The following ZNF516 variants were observed in gnomAD, a reference collection of about 807,000 sequenced individuals.
ZNF516 encodes zinc finger protein 516.
Under a neutral mutation model 79.7 loss-of-function variants are expected in ZNF516, and 19 were observed. The observed-to-expected ratio is 0.24, with a 90% confidence interval of 0.17 to 0.35. ZNF516 has a LOEUF of 0.35. Among genes scored for constraint, ZNF516 ranks in the 10% least tolerant of loss-of-function variants. ZNF516 has a pLI of 1.00. For missense variants in ZNF516, 1,678 were observed against 1,679.5 expected, an observed-to-expected ratio of 1.00 and a Z score of 0.02; for synonymous variants, 877 against 739.5, an observed-to-expected ratio of 1.19 and a Z score of -3.02.
chr18:76,430,498 G>A (rs942127011), intron 3 of ZNF516, among the ~76,000 whole-genome samples: 2 of 152,102 alleles, frequency 1.3e-5, no homozygotes, highest in African/African-American at 4.8e-5. Context: ...TGTCTATATT[G>A]GAATCAATCA....
At chr18:76,404,554 ATG>A (rs774545381) in intron 3 of ZNF516, among the ~76,000 whole-genome samples, 57 of 151,730 alleles carry the variant, frequency 3.8e-4, no homozygotes, top group African/African-American at 9.7e-4. Context: ...GAACGTGTGC[ATG>A]TGTTTGTATG....
At chr18:76,458,459 A>C (rs1912866318) in intron 2 of ZNF516, among the ~76,000 whole-genome samples, 2 of 152,224 alleles carry the variant, frequency 1.3e-5, no homozygotes, top group Non-Finnish European at 2.9e-5. Context: ...CTCCCAAGCA[A>C]GCATCCTGCA....
In ZNF516 at chr18:76,358,144, C is replaced by T. The variant is rs1442048679; in HGVS notation, c.*4354G>A. ...CCACAGACCAAAGCGGGCTGTCAAA[C>T]GATTTACGCCACCCTCTGAAATTGG... On this transcript the variant is annotated 3_prime_UTR_variant, in exon 7 of 7. Transcript: ENST00000443185. The T allele has an allele frequency of 6.6e-6, 1 of 152,170 alleles. No individual in the cohort carries two copies. Among genetic ancestry groups the T allele is most frequent in the Non-Finnish European group, 1.5e-5 (1 of 68,032 alleles). 9.4% of individuals were successfully genotyped at this position (152,170 alleles called of 1,614,324 possible).
At chr18:76,390,313 T>C (rs1599167847) in intron 3 of ZNF516, among the ~76,000 whole-genome samples, 2 of 152,212 alleles carry the variant, frequency 1.3e-5, no homozygotes, top group South Asian at 2.1e-4. Context: ...TTACGAGCCA[T>C]GTATGTCTGT....
chr18:76,371,410 A>G (rs2554834), intron 5 of ZNF516, 57 bp downstream of exon 5: 5 of 1,505,246 alleles, frequency 3.3e-6, no homozygotes, highest in African/African-American at 1.4e-5. Flanking sequence ...AGCCACTGAC[A>G]GAAGAGACCC....
At chr18:76,469,512 C>CTT (rs1913701549) in intron 1 of ZNF516, among the ~76,000 whole-genome samples, 1 of 152,068 alleles carries the variant, frequency 6.6e-6, no homozygotes, top group African/African-American at 2.4e-5. Context: ...GATAAAAGAG[C>CTT]TTTCTTTCAG....
At position 76,492,253 on chromosome 18, in the gene ZNF516, C is replaced by A. The variant is rs530792354; in HGVS notation, c.-272+2891G>T. On this transcript the variant is annotated intron_variant, in intron 1 of 6. Transcript: ENST00000443185. The stretch of plus-strand genomic sequence containing the variant: ...CACGGAGATGCTGCTCGGCTCAGGT[C>A]GGGTCCGTACGCTTCCCGAGGTGCG... 2.1e-5 allele frequency: 21 copies of A among 985,350 alleles called. No homozygotes were observed. The African/African-American group carries it at 3.7e-4, about 17-fold the overall frequency. 61.0% of individuals were successfully genotyped at this position (985,350 alleles called of 1,614,324 possible).
rs541962394 is a variant in ZNF516, at chr18:76,484,441, C to G, written c.-272+10703G>C. ...AATGCTTTCCTTCACGGTCATTACA[C>G]CAAGTCAATGTAACACTCCTAACGA... On this transcript the variant is annotated intron_variant, in intron 1 of 6. Coordinates refer to ENST00000443185, the MANE Select transcript of ZNF516 (RefSeq NM_014643.4). Among the ~76,000 whole-genome samples the G allele has an allele frequency of 3.3e-5, 5 of 152,322 alleles. No homozygotes were observed. In the South Asian group the frequency reaches 1.0e-3, roughly 32 times the overall value.
At chr18:76,406,969 C>A (rs2075312171) in intron 3 of ZNF516, among the ~76,000 whole-genome samples, 1 of 152,178 alleles carries the variant, frequency 6.6e-6, no homozygotes, top group African/African-American at 2.4e-5. Flanking sequence ...TTTGCTAACC[C>A]GGGGCACACA....
chr18:76,484,764 A>C (rs1914733411), intron 1 of ZNF516, among the ~76,000 whole-genome samples: 1 of 152,206 alleles, frequency 6.6e-6, no homozygotes, highest in Non-Finnish European at 1.5e-5. Context: ...TTTTTAATCA[A>C]TACCTATACT....
chr18:76,488,650 TGAA>T (rs1364616771), intron 1 of ZNF516, among the ~76,000 whole-genome samples: 22 of 152,354 alleles, frequency 1.4e-4, no homozygotes, highest in Admixed American at 1.1e-3. Flanking sequence ...TGTCTGCTTT[TGAA>T]GAAGAAATAT....
chr18:76,464,152 C>T (rs1033369733), intron 1 of ZNF516, among the ~76,000 whole-genome samples: 3 of 151,812 alleles, frequency 2.0e-5, no homozygotes, highest in Non-Finnish European at 2.9e-5. Flanking sequence ...GGTAAAACCC[C>T]GTCTGTACTA....
At chr18:76,370,494 G>A (rs369521086) in intron 6 of ZNF516, 34 bp downstream of exon 6, 37 of 1,569,912 alleles carry the variant, frequency 2.4e-5, no homozygotes, top group Non-Finnish European at 2.8e-5. Flanking sequence ...CTACCGCATC[G>A]AAACCCAGAC....
At chr18:76,483,246 G>A (rs753299092) in intron 1 of ZNF516, among the ~76,000 whole-genome samples, 27 of 152,170 alleles carry the variant, frequency 1.8e-4, no homozygotes, top group Middle Eastern at 3.4e-3. Context: ...ACAGCAACCC[G>A]GGGCAGACAC....
intron 3 of ZNF516, among the ~76,000 whole-genome samples, chr18:76,419,904 T>C (rs1254857912): frequency 2.0e-5 from 3 of 152,248 alleles, no homozygotes; most frequent in Non-Finnish European, 2.9e-5. Context: ...ACACTGCTCC[T>C]TTTATATTCA....
rs2074867681 is a variant in ZNF516 at position 76,380,198 on chromosome 18, G to A, written c.1916C>T (p.Thr639Ile). The change falls in exon 4 of 7, where the codon ACC (threonine) becomes ATC (isoleucine). Residue 639 changes from threonine to isoleucine, a missense_variant. Physicochemically the swap from Thr to Ile is moderately conservative, Grantham distance 89. Coordinates refer to ENST00000443185, the MANE Select transcript of ZNF516 (RefSeq NM_014643.4). Reference sequence around the variant, plus strand: ...TGCGATCCCTGCCTTGGACTCGCCGGTGTCTCTTTCCGAGGCGTTATCTCC... The same window carrying A: ...TGCGATCCCTGCCTTGGACTCGCCGATGTCTCTTTCCGAGGCGTTATCTCC... ...KMGDNASERD[T>I]GESKAGIAAS... The A allele has an allele frequency of 6.2e-7, 1 of 1,613,974 alleles. No individual in the cohort carries two copies. The highest frequency in any genetic ancestry group is 8.5e-7 in the Non-Finnish European group (1 of 1,179,898).
intron 3 of ZNF516, among the ~76,000 whole-genome samples, chr18:76,437,570 T>C (rs1056714): frequency 0.28 from 42,876 of 152,000 alleles, 7,131 homozygotes; most frequent in East Asian, 0.45. Flanking sequence ...TCAAAAACAG[T>C]TGAACACAAT....
In ZNF516 at chr18:76,379,437, C is replaced by T. The variant is rs757949666; in HGVS notation, c.2677G>A (p.Gly893Ser). ...DGYRQTKPCH[G>S]QEPHGAATQG... ...GTGGCCGCGCCATGTGGCTCCTGGC[C>T]GTGACAAGGTTTGGTCTGTCGATAC... The change falls in exon 4 of 7, where the codon GGC (glycine) becomes AGC (serine). Residue 893 changes from glycine to serine, a missense_variant. Coordinates refer to ENST00000443185, the MANE Select transcript of ZNF516 (RefSeq NM_014643.4). The T allele has an allele frequency of 1.1e-4, 181 of 1,612,332 alleles. No homozygotes were observed. In the Admixed American group the frequency reaches 2.7e-3, roughly 24 times the overall value.
At chr18:76,455,256 G>C (rs1247179380) in intron 2 of ZNF516, among the ~76,000 whole-genome samples, 1 of 152,208 alleles carries the variant, frequency 6.6e-6, no homozygotes, top group Non-Finnish European at 1.5e-5. Flanking sequence ...ATTAAGGTCA[G>C]AACAGTCACG....
Sources: gnomAD v4.1 joint callset for allele counts (sites outside exome capture counted in the v4.1 genomes callset) on GRCh38, gnomAD v4.1.1 for gene constraint, MANE v1.5 for transcripts, NCBI Gene and HGNC (gene_info 2026-07-23, HGNC 2026-07-21) for gene names.